ST18: variants seen among roughly 807,000 people sequenced by gnomAD.
ST18 encodes the protein suppression of tumorigenicity 18 protein.
In ST18, 50 loss-of-function variants were observed where a neutral mutation model predicts 110.0. That is an observed-to-expected ratio of 0.45 (90% CI 0.36 to 0.58). The LOEUF is 0.58. ST18 is among the 20% of genes least tolerant of loss of function. ST18 has a pLI of 0.00. For synonymous variants in ST18, 461 were observed against 452.4 expected (o/e 1.02, Z -0.24); for missense variants, 1,306 against 1,280.1 (o/e 1.02, Z -0.31).
At chr8:52,214,954 C>G (rs549445679) in intron 6 of ST18, among the ~76,000 whole-genome samples, 42 of 152,212 alleles carry the variant, frequency 2.8e-4, no homozygotes, top group African/African-American at 9.9e-4. Flanking sequence ...ACTTTAAAAG[C>G]CTGTTGTTTT....
At chr8:52,234,103 T>C (rs534296227) in intron 2 of ST18, among the ~76,000 whole-genome samples, 79 of 152,302 alleles carry the variant, frequency 5.2e-4, no homozygotes, top group African/African-American at 1.8e-3. Flanking sequence ...TTGGCTATGT[T>C]AACTTTTTTC....
chr8:52,400,141 GC>G (rs1590724464), intron 2 of ST18, among the ~76,000 whole-genome samples: 1 of 151,936 alleles, frequency 6.6e-6, no homozygotes, highest in African/African-American at 2.4e-5. Flanking sequence ...TAATAGGTTA[GC>G]CCTTTTACCA....
Position 52,136,345 on chromosome 8 carries a change from A to C in ST18, c.2300+245T>G, listed in dbSNP as rs560451895. ...TACAGAAAAAAGTATTGTGTTAACT[A>C]TTACATCACACTTTTAAAAATTATT... On this transcript the variant is annotated intron_variant, in intron 19 of 25. Coordinates refer to ENST00000689386, the MANE Select transcript of ST18 (RefSeq NM_001352837.2). 2.0e-5 allele frequency among the ~76,000 whole-genome samples: 3 copies of C among 152,380 alleles called. No homozygotes were observed. In the East Asian group the frequency reaches 5.8e-4, roughly 29 times the overall value.
chr8:52,190,340 G>C lies in ST18; in HGVS notation c.87-10028C>G, dbSNP rs1455626401. Among the ~76,000 whole-genome samples the C allele has an allele frequency of 3.3e-5, 5 of 152,128 alleles. No homozygotes were observed. The East Asian group carries it at 7.7e-4, about 23-fold the overall frequency. On this transcript the variant is annotated intron_variant, in intron 8 of 25. Transcript: ENST00000689386. ...ACACTTCTATGTCCCAAGCGTTTCA[G>C]ATAAGGGAGATTCAAGCTGTACCAC...
intron 10 of ST18, among the ~76,000 whole-genome samples, chr8:52,170,965 G>A (rs1422090823): frequency 6.6e-6 from 1 of 151,990 alleles, no homozygotes; most frequent in African/African-American, 2.4e-5. Context: ...TTTTTCTAAG[G>A]TACTCCTCTC....
At chr8:52,386,568 T>C (rs1183623522) in intron 2 of ST18, among the ~76,000 whole-genome samples, 1 of 152,204 alleles carries the variant, frequency 6.6e-6, no homozygotes, top group Non-Finnish European at 1.5e-5. Flanking sequence ...TTGTTAGTTT[T>C]ATAAAGCAAT....
intron 23 of ST18, among the ~76,000 whole-genome samples, chr8:52,124,770 G>A (rs1311318318): frequency 7.9e-5 from 12 of 152,088 alleles, no homozygotes; most frequent in Admixed American, 4.6e-4. Context: ...CTCCTTTGGC[G>A]CTTAGAGGTG....
chr8:52,116,916 T>C (rs979597119), intron 24 of ST18, among the ~76,000 whole-genome samples: 13 of 152,124 alleles, frequency 8.5e-5, no homozygotes, highest in Admixed American at 7.2e-4. Context: ...GTGGGTGGCC[T>C]TGTGTTTGCC....
chr8:52,331,319 A>G (rs1809278490), intron 2 of ST18, among the ~76,000 whole-genome samples: 1 of 151,256 alleles, frequency 6.6e-6, no homozygotes, highest in South Asian at 2.1e-4. Flanking sequence ...TTTATGAATA[A>G]TATTTGTTAT....
At chr8:52,243,658 T>C (rs914431647) in intron 2 of ST18, among the ~76,000 whole-genome samples, 1 of 152,210 alleles carries the variant, frequency 6.6e-6, no homozygotes, top group Non-Finnish European at 1.5e-5. Flanking sequence ...ATATAATGCA[T>C]GTAAAGAACT....
Position 52,384,596 on chromosome 8 carries a change from C to T in ST18, c.-465+24732G>A, listed in dbSNP as rs548009459. 3.3e-5 allele frequency among the ~76,000 whole-genome samples: 5 copies of T among 152,158 alleles called. No homozygotes were observed. In the South Asian group the frequency reaches 1.0e-3, roughly 32 times the overall value. Reference sequence around the variant, plus strand: ...ACCATTCTCTTTCATTGCTACACACCTTAATTCAACTCTCTCACCAATCTA... The same window carrying T: ...ACCATTCTCTTTCATTGCTACACACTTTAATTCAACTCTCTCACCAATCTA... On this transcript the variant is annotated intron_variant, in intron 2 of 25. Coordinates refer to ENST00000689386, the MANE Select transcript of ST18 (RefSeq NM_001352837.2).
chr8:52,300,705 C>A (rs936486075), intron 2 of ST18, among the ~76,000 whole-genome samples: 7 of 152,100 alleles, frequency 4.6e-5, no homozygotes, highest in Admixed American at 1.3e-4. Context: ...TATAGGAACC[C>A]AGCCATACTC....
chr8:52,216,419 A>T (rs2084244802), intron 6 of ST18, among the ~76,000 whole-genome samples: 1 of 152,164 alleles, frequency 6.6e-6, no homozygotes, highest in Non-Finnish European at 1.5e-5. Flanking sequence ...AAACATATTT[A>T]AAAACTGAGA....
chr8:52,172,076 G>A lies in ST18; in HGVS notation c.785C>T (p.Ala262Val). 6.2e-7 allele frequency: 1 copy of A among 1,614,234 alleles called. No individual in the cohort carries two copies. Among genetic ancestry groups the A allele is most frequent in the Non-Finnish European group, 8.5e-7 (1 of 1,180,050 alleles). Reference protein sequence around the residue: ...SETERKDPQNALAEPLDGNAQ... With the variant: ...SETERKDPQNVLAEPLDGNAQ... ...ATTGCCATCCAGGGGTTCTGCGAGA[G>A]CATTCTGCGGGTCTTTCCTTTCTGT... The change falls in exon 10 of 26, where the codon GCT becomes GTT. Residue 262 changes from alanine to valine, a missense_variant. Ala to Val is a moderately conservative substitution (Grantham distance 64, BLOSUM62 0). Coordinates refer to ENST00000689386, the MANE Select transcript of ST18 (RefSeq NM_001352837.2).
chr8:52,294,883 G>A (rs1380624082), intron 2 of ST18, among the ~76,000 whole-genome samples: 1 of 152,212 alleles, frequency 6.6e-6, no homozygotes, highest in Non-Finnish European at 1.5e-5. Flanking sequence ...GGACGGTATT[G>A]CTGCAGGAGC....
intron 2 of ST18, among the ~76,000 whole-genome samples, chr8:52,286,048 C>A (rs1382445094): frequency 2.0e-5 from 3 of 152,180 alleles, no homozygotes; most frequent in African/African-American, 4.8e-5. Context: ...TTTAAAAAAT[C>A]TTTCTGCTAT....
Position 52,186,651 on chromosome 8 carries a change from C to T in ST18, c.87-6339G>A, listed in dbSNP as rs139662155. Among the ~76,000 whole-genome samples the T allele has an allele frequency of 2.8e-4, 43 of 152,308 alleles. No homozygotes were observed. In the East Asian group the frequency reaches 5.4e-3, roughly 19 times the overall value. ...GTAGTCTCTCCCATACCGGAAACAT[C>T]GCATAGTCCTTTGACTGCAGAATGA... On this transcript the variant is annotated intron_variant, in intron 8 of 25. Transcript: ENST00000689386.
intron 22 of ST18, among the ~76,000 whole-genome samples, chr8:52,129,043 T>G (rs1036490521): frequency 7.0e-6 from 1 of 143,032 alleles, no homozygotes. Flanking sequence ...TTCCAAGTCA[T>G]GTAAGTCATC....
chr8:52,139,608 G>A (rs1035740146), intron 17 of ST18, among the ~76,000 whole-genome samples: 1 of 151,974 alleles, frequency 6.6e-6, no homozygotes, highest in African/African-American at 2.4e-5. Flanking sequence ...TGCCTGCTTC[G>A]GCCTCCCAAA....
Sources: gnomAD v4.1 joint callset for allele counts (sites outside exome capture counted in the v4.1 genomes callset) on GRCh38, gnomAD v4.1.1 for gene constraint, MANE v1.5 for transcripts, NCBI Gene and HGNC (gene_info 2026-07-23, HGNC 2026-07-21) for gene names.